SLC9B1: variants seen among roughly 807,000 people sequenced by gnomAD.
The protein encoded by SLC9B1 is solute carrier family 9 member B1.
SLC9B1 carries 32 observed loss-of-function variants against 51.7 expected under a neutral mutation model. The ratio of observed to expected loss-of-function variants is 0.62; its 90% confidence interval spans 0.47 to 0.83. SLC9B1 has a LOEUF of 0.83. Ranked by LOEUF, SLC9B1 falls within the 40% of genes least tolerant of loss-of-function variation. The pLI is 0.00. For missense variants in SLC9B1, 406 were observed against 613.2 expected (o/e 0.66, Z 3.57); for synonymous variants, 145 against 212.7 (o/e 0.68, Z 2.77).
intron 7 of SLC9B1, among the ~76,000 whole-genome samples, chr4:102,921,266 T>G (rs1395088722): frequency 6.6e-6 from 1 of 152,152 alleles, no homozygotes; most frequent in Admixed American, 6.5e-5. Context: ...TCAACACTCT[T>G]AAAGAAAAGA....
chr4:103,006,083 A>G (rs1001982062), intron 1 of SLC9B1, among the ~76,000 whole-genome samples: 1 of 152,156 alleles, frequency 6.6e-6, no homozygotes, highest in Non-Finnish European at 1.5e-5. Context: ...AGAAGAAAAG[A>G]AATAACCAAA....
At chr4:103,008,556 A>AT (rs1270135247) in intron 1 of SLC9B1, among the ~76,000 whole-genome samples, 50 of 148,258 alleles carry the variant, frequency 3.4e-4, no homozygotes, top group Non-Finnish European at 3.0e-5. Flanking sequence ...TAGTTTTTTT[A>AT]TTTTTTGGAA....
At chr4:102,945,766 T>G (rs565489274) in intron 5 of SLC9B1, among the ~76,000 whole-genome samples, 4 of 152,130 alleles carry the variant, frequency 2.6e-5, no homozygotes, top group Non-Finnish European at 5.9e-5. Context: ...CTTTTCAATG[T>G]TCTCCTTGGT....
intron 4 of SLC9B1, among the ~76,000 whole-genome samples, chr4:102,948,661 C>A (rs1737390614): frequency 6.6e-6 from 1 of 152,102 alleles, no homozygotes; most frequent in African/African-American, 2.4e-5. Context: ...ATGTCCTTTG[C>A]AGCAACATGG....
intron 5 of SLC9B1, among the ~76,000 whole-genome samples, chr4:102,946,049 A>C (rs1737249851): frequency 6.6e-6 from 1 of 152,156 alleles, no homozygotes; most frequent in Non-Finnish European, 1.5e-5. Flanking sequence ...AATCTCCCTA[A>C]AAAAAGAAAA....
chr4:102,944,652 T>G (rs945920875), intron 6 of SLC9B1, among the ~76,000 whole-genome samples: 1 of 152,120 alleles, frequency 6.6e-6, no homozygotes, highest in African/African-American at 2.4e-5. Context: ...TGAAAAGGAG[T>G]TAGGATCTAG....
intron 7 of SLC9B1, among the ~76,000 whole-genome samples, chr4:102,919,361 C>G (rs918107994): frequency 1.3e-5 from 2 of 152,284 alleles, no homozygotes; most frequent in Admixed American, 6.5e-5. Flanking sequence ...TAAAACTGAA[C>G]ACTTTTAAGA....
chr4:103,011,294 T>G (rs528598264), intron 1 of SLC9B1, among the ~76,000 whole-genome samples: 9 of 152,252 alleles, frequency 5.9e-5, no homozygotes, highest in Non-Finnish European at 1.3e-4. Context: ...ATGTCCTGCC[T>G]TCTGCATACA....
chr4:102,924,163 A>G (rs1578350652), intron 7 of SLC9B1, among the ~76,000 whole-genome samples: 1 of 152,200 alleles, frequency 6.6e-6, no homozygotes, highest in East Asian at 1.9e-4. Context: ...ACTACACTAC[A>G]AGGCTACAGT....
intron 3 of SLC9B1, among the ~76,000 whole-genome samples, chr4:102,970,712 G>C (rs943994048): frequency 6.6e-6 from 1 of 152,134 alleles, no homozygotes; most frequent in Non-Finnish European, 1.5e-5. Flanking sequence ...AAAGAGTCAA[G>C]ACCCATCAGT....
At chr4:102,938,422 G>A (rs560938090) in intron 6 of SLC9B1, among the ~76,000 whole-genome samples, 2 of 152,304 alleles carry the variant, frequency 1.3e-5, no homozygotes, top group Admixed American at 6.5e-5. Context: ...CAGAATAATA[G>A]TGGGAGACTT....
intron 3 of SLC9B1, among the ~76,000 whole-genome samples, chr4:102,959,109 C>T (rs1373030226): frequency 6.6e-6 from 1 of 152,028 alleles, no homozygotes; most frequent in Non-Finnish European, 1.5e-5. Flanking sequence ...AAAAAGGCAA[C>T]TATTACTGTA....
At chr4:103,001,086 C>T (rs1001778571) in intron 1 of SLC9B1, among the ~76,000 whole-genome samples, 10 of 152,244 alleles carry the variant, frequency 6.6e-5, no homozygotes, top group Non-Finnish European at 8.8e-5. Flanking sequence ...CCCAACACCA[C>T]GTGTAAGCCA....
chr4:102,898,005 A>G (rs1475166449), downstream of SLC9B1: 10 of 406,242 alleles, frequency 2.5e-5, no homozygotes, highest in Non-Finnish European at 2.9e-5. Context: ...CCTCCTCAAA[A>G]GCAAAAGCAA....
chr4:102,949,494 A>T (rs1179700958), intron 3 of SLC9B1, 67 bp from the exon 4 acceptor site: 1 of 1,290,804 alleles, frequency 7.7e-7, no homozygotes, highest in Non-Finnish European at 1.0e-6. Context: ...CAAAGGATCA[A>T]TTCTCTTTTA....
chr4:102,933,160 C>A (rs1736547482), intron 6 of SLC9B1, among the ~76,000 whole-genome samples: 1 of 152,228 alleles, frequency 6.6e-6, no homozygotes, highest in African/African-American at 2.4e-5. Flanking sequence ...CCCAGTGCTG[C>A]TTGTTGGCTG....
chr4:102,890,867 T>C (rs1734213388), intron 11 of SLC9B1: 1 of 136,984 alleles, frequency 7.3e-6, no homozygotes, highest in South Asian at 2.3e-4. Context: ...TTTTTTTTTT[T>C]TCATCTAATC....
chr4:102,987,855 C>T (rs1739724853), intron 3 of SLC9B1, among the ~76,000 whole-genome samples: 1 of 152,116 alleles, frequency 6.6e-6, no homozygotes, highest in Non-Finnish European at 1.5e-5. Flanking sequence ...TCTGTCTAAT[C>T]ACTCCTATTT....
At chr4:102,976,089 G>GA (rs1194466974) in intron 3 of SLC9B1, among the ~76,000 whole-genome samples, 2 of 151,852 alleles carry the variant, frequency 1.3e-5, no homozygotes, top group South Asian at 2.1e-4. Context: ...CTCAGAATTA[G>GA]AAAAAAAAGA....
Sources: allele counts gnomAD v4.1 joint callset (sites outside exome capture counted in the v4.1 genomes callset), GRCh38; gene constraint gnomAD v4.1.1; transcripts MANE v1.5; gene names NCBI Gene and HGNC (gene_info 2026-07-23, HGNC 2026-07-21).